The following LYN variants were observed in gnomAD, a reference collection of about 807,000 sequenced individuals.
LYN encodes tyrosine-protein kinase Lyn.
Under a neutral mutation model 65.0 loss-of-function variants are expected in LYN, and 12 were observed. The observed-to-expected ratio is 0.18, with a 90% CI of 0.12 to 0.30. LYN has a LOEUF of 0.30. Among genes scored for constraint, LYN ranks in the 10% least tolerant of loss-of-function variants. The pLI is 1.00. For missense variants in LYN, 380 were observed against 623.2 expected, an observed-to-expected ratio of 0.61 and a Z score of 4.16; for synonymous variants, 222 against 221.2, an observed-to-expected ratio of 1.00 and a Z score of -0.03.
chr8:55,988,497 A>G (rs1483717467), intron 10 of LYN, among the ~76,000 whole-genome samples: 1 of 152,140 alleles, frequency 6.6e-6, no homozygotes, highest in Non-Finnish European at 1.5e-5. Context: ...TTTTATAGGC[A>G]TCCTAGGGCT....
chr8:55,880,083 C>G lies in LYN; in HGVS notation c.-26C>G, dbSNP rs1436224708. 1 of 310,260 alleles carries G rather than the reference C, an allele frequency of 3.2e-6. No individual in the cohort carries two copies. The highest frequency in any genetic ancestry group is 6.5e-6 in the Non-Finnish European group (1 of 153,232). The allele number at this position is 310,260 out of a possible 1,614,324, so 19.2% of individuals were successfully genotyped here. On this transcript the variant is annotated 5_prime_UTR_variant, in exon 1 of 13. Transcript: ENST00000519728. ...AAGTCACCGTGGAGCTCCGCCGCCC[C>G]GAAACTTTCACCGCGAGCGGGTGAG...
rs113026375 is a variant in LYN at position 55,903,487 on chromosome 8, T to C, written c.-6+23384T>C. The stretch of plus-strand genomic sequence containing the variant: ...ACAAGAGACTAAAAAACTACTTGAG[T>C]GTTTTTGATTACCAACTTTTCATGA... On this transcript the variant is annotated intron_variant, in intron 1 of 12. Transcript: ENST00000519728. 6.5e-3 allele frequency among the ~76,000 whole-genome samples: 982 copies of C among 152,212 alleles called. 10 individuals are homozygous for C. Among genetic ancestry groups the C allele is most frequent in the African/African-American group, 0.022 (905 of 41,548 alleles).
chr8:55,952,243 AT>A, intron 7 of LYN, 128 bp downstream of exon 7: 2 of 718,262 alleles, frequency 2.8e-6, no homozygotes, highest in Non-Finnish European at 4.3e-6. Flanking sequence ...TGCAGGTCAT[AT>A]TCTATAAGTG....
At chr8:55,993,644 G>T (rs187330285) in intron 10 of LYN, among the ~76,000 whole-genome samples, 18 of 152,294 alleles carry the variant, frequency 1.2e-4, no homozygotes, top group Non-Finnish European at 2.4e-4. Flanking sequence ...TGGTCAATTT[G>T]CTATTAAGAT....
intron 10 of LYN, among the ~76,000 whole-genome samples, chr8:55,995,562 G>A (rs1024439438): frequency 2.6e-5 from 4 of 152,186 alleles, no homozygotes; most frequent in African/African-American, 9.7e-5. Context: ...TGGACAGGTA[G>A]TCAGGTGAGG....
chr8:55,993,006 G>T (rs1169324096), intron 10 of LYN, among the ~76,000 whole-genome samples: 1 of 152,030 alleles, frequency 6.6e-6, no homozygotes, highest in Non-Finnish European at 1.5e-5. Flanking sequence ...TTGCAGTGGG[G>T]GTAAGATTGC....
intron 1 of LYN, among the ~76,000 whole-genome samples, chr8:55,909,028 C>CTTATGTGT (rs1563504865): frequency 1.7e-5 from 1 of 60,324 alleles, no homozygotes; most frequent in East Asian, 6.2e-4. Context: ...CACACACACA[C>CTTATGTGT]ACACACACAC....
At chr8:56,004,362 C>T (rs929850791) in intron 12 of LYN, among the ~76,000 whole-genome samples, 21 of 144,476 alleles carry the variant, frequency 1.5e-4, no homozygotes, top group Non-Finnish European at 2.4e-4. Flanking sequence ...GGTGTGATAT[C>T]GGCTCACTGC....
chr8:55,909,402 C>G (rs904550685), intron 1 of LYN, among the ~76,000 whole-genome samples: 1 of 152,128 alleles, frequency 6.6e-6, no homozygotes, highest in Non-Finnish European at 1.5e-5. Flanking sequence ...ATAGGTTCCA[C>G]CTGAGTGGGA....
At chr8:55,933,376 C>T (rs147220013) in intron 1 of LYN, among the ~76,000 whole-genome samples, 1 of 152,318 alleles carries the variant, frequency 6.6e-6, no homozygotes, top group Admixed American at 6.5e-5. Context: ...ATTTGACAAA[C>T]AAGCCTATTT....
chr8:55,945,719 C>T (rs1176865746), intron 2 of LYN, among the ~76,000 whole-genome samples: 1 of 152,000 alleles, frequency 6.6e-6, no homozygotes, highest in Non-Finnish European at 1.5e-5. Context: ...CCAAATCCTT[C>T]CCAATAACTC....
intron 10 of LYN, among the ~76,000 whole-genome samples, chr8:55,975,882 C>A (rs1214899438): frequency 6.6e-6 from 1 of 151,110 alleles, no homozygotes; most frequent in Non-Finnish European, 1.5e-5. Context: ...GTTAAAATAG[C>A]AAATAAGGCA....
chr8:55,890,580 G>A (rs997341252), intron 1 of LYN, among the ~76,000 whole-genome samples: 1 of 151,982 alleles, frequency 6.6e-6, no homozygotes, highest in African/African-American at 2.4e-5. Flanking sequence ...GCTGCTTCTG[G>A]GTATATACCC....
intron 1 of LYN, among the ~76,000 whole-genome samples, chr8:55,928,524 CTCT>C (rs1427945363): frequency 6.6e-6 from 1 of 152,160 alleles, no homozygotes; most frequent in Non-Finnish European, 1.5e-5. Flanking sequence ...CCATCTGTAG[CTCT>C]TCTTTGGTGA....
chr8:55,963,948 A>C (rs983946488), intron 8 of LYN, among the ~76,000 whole-genome samples: 1 of 152,206 alleles, frequency 6.6e-6, no homozygotes, highest in Non-Finnish European at 1.5e-5. Flanking sequence ...AAACGTTAAA[A>C]AATTTATAAT....
intron 1 of LYN, among the ~76,000 whole-genome samples, chr8:55,882,673 G>A (rs1233406145): frequency 6.6e-6 from 1 of 152,198 alleles, no homozygotes; most frequent in Non-Finnish European, 1.5e-5. Flanking sequence ...TCTTCCTAGT[G>A]ATGATGGTGA....
chr8:55,942,443 G>GTA (rs35488882), intron 2 of LYN, among the ~76,000 whole-genome samples: 3,748 of 140,222 alleles, frequency 0.027, 191 homozygotes, highest in African/African-American at 0.089. Flanking sequence ...GTGTGTGTGT[G>GTA]TATATATATA....
At chr8:55,997,283 C>T (rs899677905) in intron 10 of LYN, among the ~76,000 whole-genome samples, 6 of 152,126 alleles carry the variant, frequency 3.9e-5, no homozygotes, top group Non-Finnish European at 8.8e-5. Flanking sequence ...GTTCTTGATA[C>T]CTTAATAATT....
At chr8:55,905,976 G>A (rs753393373) in intron 1 of LYN, among the ~76,000 whole-genome samples, 5 of 152,204 alleles carry the variant, frequency 3.3e-5, no homozygotes, top group Non-Finnish European at 5.9e-5. Context: ...ACCACCAAGT[G>A]CAGCATAGTT....
Sources: allele counts gnomAD v4.1 joint callset (sites outside exome capture counted in the v4.1 genomes callset), GRCh38; gene constraint gnomAD v4.1.1; transcripts MANE v1.5; gene names NCBI Gene and HGNC (gene_info 2026-07-23, HGNC 2026-07-21).